The following ZNF710 variants were observed in gnomAD, a reference collection of about 807,000 sequenced individuals.
ZNF710 encodes the protein zinc finger protein 710.
A neutral mutation model predicts 50.6 loss-of-function variants in ZNF710; 13 were observed. That is an observed-to-expected ratio of 0.26 (90% CI 0.17 to 0.41). The LOEUF (loss-of-function observed/expected upper bound fraction) is 0.41. Among genes scored for constraint, ZNF710 ranks in the 10% least tolerant of loss-of-function variants. ZNF710 has a pLI of 1.00. For missense variants in ZNF710, 721 were observed against 936.6 expected (o/e 0.77, Z 3.01); for synonymous variants, 383 against 397.0 (o/e 0.96, Z 0.42).
At chr15:90,006,350 C>CA (rs1451671004) in intron 1 of ZNF710, among the ~76,000 whole-genome samples, 1 of 152,158 alleles carries the variant, frequency 6.6e-6, no homozygotes, top group African/African-American at 2.4e-5. Context: ...TTGATACCAC[C>CA]AGAGGCTGTT....
At position 90,068,320 on chromosome 15, in the gene ZNF710, A is replaced by C. The variant is rs1447030532; in HGVS notation, c.1183A>C (p.Lys395Gln). 4 of 1,612,980 alleles carry C rather than the reference A, an allele frequency of 2.5e-6. No individual in the cohort carries two copies. Among genetic ancestry groups the C allele is most frequent in the Non-Finnish European group, 3.4e-6 (4 of 1,179,934 alleles). The change falls in exon 2 of 5, where the codon AAG becomes CAG. Residue 395 changes from lysine to glutamine, a missense_variant. This residue lies in a region of ZNF710 where 326 missense variants were observed against 522.0 expected (regional missense o/e 0.62). Coordinates refer to ENST00000268154, the MANE Select transcript of ZNF710 (RefSeq NM_198526.4). The surrounding 1 kb of genome is among the most constrained non-coding windows in gnomAD (Gnocchi z 5.0). ...GRGFAYPSEL[K>Q]AHEVKHESGR... is the part of the protein sequence containing the mutation. ...CGGCTTCGCCTACCCCAGCGAGCTC[A>C]AGGCCCACGAAGTGAAGCATGAGAG...
intron 1 of ZNF710, among the ~76,000 whole-genome samples, chr15:90,036,593 C>T (rs1567229205): frequency 6.6e-6 from 1 of 152,218 alleles, no homozygotes; most frequent in Non-Finnish European, 1.5e-5. Flanking sequence ...GGAAAGAAAG[C>T]CTGCTCCATT....
chr15:90,071,638 C>T (rs990538984), intron 2 of ZNF710, among the ~76,000 whole-genome samples: 12 of 151,448 alleles, frequency 7.9e-5, no homozygotes, highest in Admixed American at 7.2e-4. Context: ...GAAAACAGCT[C>T]CCAACTTAAA....
rs1567249747 is a variant in ZNF710, at chr15:90,080,431, T to C, written c.*602T>C. 2 of 152,812 alleles carry C rather than the reference T, an allele frequency of 1.3e-5. No individual in the cohort carries two copies. The highest frequency in any genetic ancestry group is 4.8e-5 in the African/African-American group (2 of 41,450). The allele number at this position is 152,812 out of a possible 1,614,324, so 9.5% of individuals were successfully genotyped here. ...CCCTGGCCCTGGCCTGCAGGACAGCTGGGGGGCACCCAGCCCCCAGAAGAC... is the reference window on the plus strand; with the variant it reads ...CCCTGGCCCTGGCCTGCAGGACAGCCGGGGGGCACCCAGCCCCCAGAAGAC... On this transcript the variant is annotated 3_prime_UTR_variant, in exon 5 of 5. Coordinates refer to ENST00000268154, the MANE Select transcript of ZNF710 (RefSeq NM_198526.4).
chr15:90,027,795 G>A (rs1052434105), intron 1 of ZNF710, among the ~76,000 whole-genome samples: 13 of 150,006 alleles, frequency 8.7e-5, no homozygotes, highest in African/African-American at 1.5e-4. Context: ...GCAGTTAGCC[G>A]AGATTGTGCC....
At chr15:90,000,244 T>C (rs1426635624), upstream of ZNF710, among the ~76,000 whole-genome samples, 6 of 152,160 alleles carry the variant, frequency 3.9e-5, no homozygotes, top group Non-Finnish European at 8.8e-5. Context: ...AATTGACCCT[T>C]CCTGGCGGCA....
rs928607088 is a variant in ZNF710, at chr15:90,081,512, C to T, written c.*1683C>T. On this transcript the variant is annotated 3_prime_UTR_variant, in exon 5 of 5. Transcript: ENST00000268154. ...TCCTTAAGTGAAGGACCAAGCCAGG[C>T]CTCAGGGTGACTGTGATCAGGACTG... is the stretch of plus-strand genomic sequence containing the variant. 1.3e-5 allele frequency: 2 copies of T among 152,232 alleles called. No individual in the cohort carries two copies. Among genetic ancestry groups the T allele is most frequent in the South Asian group, 2.1e-4 (1 of 4,830 alleles). The allele number at this position is 152,232 out of a possible 1,614,324, so 9.4% of individuals were successfully genotyped here. A position where few individuals can be genotyped will look rare whatever the true frequency, so the allele number is the denominator to read the frequency against.
intron 1 of ZNF710, among the ~76,000 whole-genome samples, chr15:90,042,293 C>T (rs960642236): frequency 2.6e-5 from 4 of 152,100 alleles, no homozygotes; most frequent in Non-Finnish European, 4.4e-5. Context: ...AAATAACAGC[C>T]TTTTCCAGAT....
intron 1 of ZNF710, among the ~76,000 whole-genome samples, chr15:90,058,555 A>G (rs1444898153): frequency 6.6e-6 from 1 of 151,778 alleles, no homozygotes; most frequent in Non-Finnish European, 1.5e-5. Context: ...TTCTCTAGAG[A>G]CACTCCCGTG....
intron 1 of ZNF710, among the ~76,000 whole-genome samples, chr15:90,031,233 TTGAAG>T (rs1216769160): frequency 6.6e-6 from 1 of 152,156 alleles, no homozygotes; most frequent in Non-Finnish European, 1.5e-5. Flanking sequence ...AACACATTGA[TTGAAG>T]TGAATGAAAA....
intron 1 of ZNF710, among the ~76,000 whole-genome samples, chr15:90,058,721 A>ATATATATGTATGTATG (rs1567236953): frequency 6.9e-6 from 1 of 144,576 alleles, no homozygotes; most frequent in African/African-American, 2.9e-5. Context: ...ATATATATAC[A>ATATATATGTATGTATG]CACATATACA....
chr15:90,064,464 A>T (rs1369605902), intron 1 of ZNF710, among the ~76,000 whole-genome samples: 2 of 152,252 alleles, frequency 1.3e-5, no homozygotes, highest in Non-Finnish European at 2.9e-5. Context: ...GCCTTCTCCC[A>T]GAGATCTGGG....
chr15:90,023,069 T>C (rs1325231503), intron 1 of ZNF710, among the ~76,000 whole-genome samples: 6 of 152,088 alleles, frequency 3.9e-5, no homozygotes, highest in Non-Finnish European at 7.4e-5. Context: ...CACTGAGAAA[T>C]AGCATTCCTC....
intron 1 of ZNF710, among the ~76,000 whole-genome samples, chr15:90,027,147 T>C (rs766708068): frequency 6.6e-6 from 1 of 152,092 alleles, no homozygotes; most frequent in African/African-American, 2.4e-5. Flanking sequence ...TTAGAACCAA[T>C]AGCAAAAGTC....
chr15:90,008,525 G>A (rs1180862437), intron 1 of ZNF710, among the ~76,000 whole-genome samples: 2 of 149,382 alleles, frequency 1.3e-5, no homozygotes, highest in Admixed American at 1.3e-4. Flanking sequence ...GCTCATGCCT[G>A]TAATCACAGG....
chr15:89,999,384 T>A (rs1450390481), upstream of ZNF710, among the ~76,000 whole-genome samples: 1 of 152,236 alleles, frequency 6.6e-6, no homozygotes, highest in African/African-American at 2.4e-5. Context: ...AGGCATTTGT[T>A]AAGTGCATGC....
rs555670800 is a variant in ZNF710 at position 90,053,625 on chromosome 15, C to T, written c.-28-13485C>T. ...AAAGTGCTGGGATTATGGGTGTGAG[C>T]CCCTGCGCCAGTCAGCAGTGAATTC... On this transcript the variant is annotated intron_variant, in intron 1 of 4. Coordinates refer to ENST00000268154, the MANE Select transcript of ZNF710 (RefSeq NM_198526.4). Among the ~76,000 whole-genome samples, 3 of 152,278 alleles carry T rather than the reference C, an allele frequency of 2.0e-5. No homozygotes were observed. In the South Asian group the frequency reaches 6.2e-4, roughly 32 times the overall value.
chr15:90,009,362 G>T (rs1305524684), intron 1 of ZNF710, among the ~76,000 whole-genome samples: 3 of 152,054 alleles, frequency 2.0e-5, no homozygotes, highest in African/African-American at 7.2e-5. Flanking sequence ...CGATCCTCGG[G>T]CCCTGGGCTC....
In ZNF710 at chr15:90,067,597, A is replaced by G; in HGVS notation, c.460A>G (p.Ser154Gly). ...CGGCTGCGACGCCCTGGTGCAGAGC[A>G]GCGCCGTCAAGATGATCGACCTCAG... ...SGGCDALVQS[S>G]AVKMIDLSAF... is the part of the protein sequence containing the mutation. Residue 154 changes from serine (S) to glycine (G), a missense_variant, in exon 2 of 5, where the codon AGC becomes GGC. Coordinates refer to ENST00000268154, the MANE Select transcript of ZNF710 (RefSeq NM_198526.4). This position sits in a 1 kb window ranked among gnomAD's most constrained non-coding sequence, Gnocchi z 8.1. The G allele has an allele frequency of 6.2e-7, 1 of 1,610,526 alleles. No individual in the cohort carries two copies. The highest frequency in any genetic ancestry group is 1.1e-5 in the South Asian group (1 of 90,714).
Sources: gnomAD v4.1 joint callset for allele counts (sites outside exome capture counted in the v4.1 genomes callset) on GRCh38, gnomAD v4.1.1 for gene constraint, gnomAD v4.1.1 regional missense constraint, Gnocchi (gnomAD v3.1) non-coding constraint, MANE v1.5 for transcripts, NCBI Gene and HGNC (gene_info 2026-07-23, HGNC 2026-07-21) for gene names.